SUCO: variants seen among roughly 807,000 people sequenced by gnomAD.
SUCO encodes SUN domain containing ossification factor.
In SUCO, 57 loss-of-function variants were observed where a neutral mutation model predicts 148.1. That is an observed-to-expected ratio of 0.38 (90% confidence interval 0.31 to 0.48). The LOEUF (loss-of-function observed/expected upper bound fraction) is 0.48. Ranked by LOEUF, SUCO falls within the 20% of genes least tolerant of loss-of-function variation. SUCO has a pLI of 0.96. For synonymous variants in SUCO, 470 were observed against 502.7 expected (o/e 0.93, Z 0.87); for missense variants, 1,331 against 1,468.2 (o/e 0.91, Z 1.53).
At chr1:172,532,705 C>T (rs1204536930), upstream of SUCO, 1 of 1,613,816 alleles carries the variant, frequency 6.2e-7, no homozygotes, top group African/African-American at 1.3e-5. Context: ...ACCATGGATT[C>T]TAGGAGGGAC....
intron 17 of SUCO, chr1:172,588,156 C>A (rs1306711781): frequency 1.0e-6 from 1 of 984,972 alleles, no homozygotes; most frequent in African/African-American, 1.7e-5. Flanking sequence ...AGTAGATAAT[C>A]CTATGTGTGT....
intron 17 of SUCO, chr1:172,588,543 GC>G (rs1656394137): frequency 1.0e-6 from 1 of 985,104 alleles, no homozygotes; most frequent in Middle Eastern, 5.2e-4. Flanking sequence ...GAGTCATCTG[GC>G]TAGTCACTTG....
At chr1:172,570,415 ATAT>A in intron 8 of SUCO, 1 of 491,900 alleles carries the variant, frequency 2.0e-6, no homozygotes, top group Non-Finnish European at 3.6e-6. Flanking sequence ...AATAACTAAA[ATAT>A]TATTTTTTTC....
chr1:172,561,010 C>T (rs1279181246), intron 6 of SUCO, among the ~76,000 whole-genome samples: 1 of 152,224 alleles, frequency 6.6e-6, no homozygotes, highest in Non-Finnish European at 1.5e-5. Context: ...GGTGGCACCG[C>T]CACCTTCCCA....
intron 1 of SUCO, among the ~76,000 whole-genome samples, chr1:172,536,447 G>GT (rs2149214992): frequency 6.6e-6 from 1 of 152,286 alleles, no homozygotes; most frequent in Non-Finnish European, 1.5e-5. Context: ...TTGTAACACA[G>GT]TAACAGCGTA....
At chr1:172,580,649 C>T (rs75302771) in intron 15 of SUCO, among the ~76,000 whole-genome samples, 2 of 152,078 alleles carry the variant, frequency 1.3e-5, no homozygotes, top group African/African-American at 4.8e-5. Flanking sequence ...GAAAATAGCC[C>T]CAGACTAAAA....
chr1:172,591,626 T>C (rs1454310866), intron 19 of SUCO, among the ~76,000 whole-genome samples: 3 of 152,086 alleles, frequency 2.0e-5, no homozygotes, highest in Non-Finnish European at 4.4e-5. Flanking sequence ...TTTTTATGGC[T>C]GCATAGTATT....
chr1:172,568,339 A>G (rs943148936), intron 6 of SUCO: 120 of 513,228 alleles, frequency 2.3e-4, no homozygotes, highest in Non-Finnish European at 2.8e-4. Context: ...TGATTTGCTG[A>G]TACTCTTTAT....
chr1:172,571,183 G>A (rs938389605), intron 9 of SUCO, among the ~76,000 whole-genome samples: 4 of 152,214 alleles, frequency 2.6e-5, no homozygotes, highest in African/African-American at 2.4e-5. Flanking sequence ...CTCAGCCTGC[G>A]GAGTGCCTGC....
intron 7 of SUCO, 150 bp downstream of exon 7, chr1:172,569,292 C>A: frequency 9.5e-7 from 1 of 1,053,780 alleles, no homozygotes; most frequent in Non-Finnish European, 1.3e-6. Flanking sequence ...TTGATCCATC[C>A]ATCCATCATG....
intron 13 of SUCO, 119 bp from the exon 14 acceptor site, chr1:172,578,179 G>A: frequency 2.7e-6 from 2 of 730,520 alleles, no homozygotes; most frequent in Non-Finnish European, 4.7e-6. Context: ...TTATTTTTGA[G>A]TCCAAAAGCC....
intron 22 of SUCO, among the ~76,000 whole-genome samples, chr1:172,603,613 A>G (rs1053437089): frequency 5.3e-5 from 8 of 151,788 alleles, no homozygotes; most frequent in Admixed American, 5.3e-4. Flanking sequence ...CTTTTGGTTG[A>G]TATGTCTTTT....
intron 22 of SUCO, chr1:172,603,125 C>T: frequency 5.2e-6 from 1 of 192,522 alleles, no homozygotes; most frequent in Non-Finnish European, 1.1e-5. Flanking sequence ...GCATCCTGTG[C>T]TTTTCTGCCT....
Position 172,610,620 on chromosome 1 carries a change from T to C in SUCO, c.*361T>C, listed in dbSNP as rs1395246737. On this transcript the variant is annotated 3_prime_UTR_variant, in exon 24 of 24. Transcript: ENST00000263688. ...CCTATTTCTTGCACCTTCCCATATT[T>C]ATGTGCCTTTTGTCTATTTATAATG... is the stretch of plus-strand genomic sequence containing the variant. 1 of 166,810 alleles carries C rather than the reference T, an allele frequency of 6.0e-6. No individual in the cohort carries two copies. The highest frequency in any genetic ancestry group is 1.6e-4 in the East Asian group (1 of 6,096). The allele number at this position is 166,810 out of a possible 1,614,324, so 10.3% of individuals were successfully genotyped here. A position where few individuals can be genotyped will look rare whatever the true frequency, so the allele number is the denominator to read the frequency against.
At chr1:172,599,104 A>G (rs1168054676) in intron 19 of SUCO, among the ~76,000 whole-genome samples, 1 of 152,152 alleles carries the variant, frequency 6.6e-6, no homozygotes, top group African/African-American at 2.4e-5. Context: ...CTCCTCCCTA[A>G]CTTTATTAAA....
At chr1:172,597,062 T>TCCGTGGGCATGGGACCCTCCGAG (rs1475323715) in intron 19 of SUCO, among the ~76,000 whole-genome samples, 50 of 152,292 alleles carry the variant, frequency 3.3e-4, no homozygotes, top group Admixed American at 2.5e-3. Flanking sequence ...TGAGCGAGGC[T>TCCGTGGGCATGGGACCCTCCGAG]CCGTGGGCAT....
intron 14 of SUCO, chr1:172,578,600 C>T: frequency 1.1e-6 from 1 of 923,890 alleles, no homozygotes; most frequent in Non-Finnish European, 1.3e-6. Flanking sequence ...TTATCTATCA[C>T]TTATTTGTAA....
At position 172,588,756 on chromosome 1, in the gene SUCO, C is replaced by T. The variant is rs375488115; in HGVS notation, c.1659-4C>T. On this transcript the variant is annotated splice_polypyrimidine_tract_variant and splice_region_variant and intron_variant, in intron 17 of 23. Transcript: ENST00000263688. ...ATTTATAATTATGATATATGTATTTCTAGGTATGTAACCACTGAAGTACAC... is the reference window on the plus strand; with the variant it reads ...ATTTATAATTATGATATATGTATTTTTAGGTATGTAACCACTGAAGTACAC... The T allele has an allele frequency of 6.9e-7, 1 of 1,442,528 alleles. No individual in the cohort carries two copies. Among genetic ancestry groups the T allele is most frequent in the East Asian group, 2.4e-5 (1 of 42,528 alleles). 89.4% of individuals were successfully genotyped at this position (1,442,528 alleles called of 1,614,324 possible).
At position 172,573,934 on chromosome 1, in the gene SUCO, G is replaced by T. The variant is rs767414002; in HGVS notation, c.1093G>T (p.Asp365Tyr). Residue 365 changes from aspartate to tyrosine, a missense_variant, in exon 10 of 24, where the codon GAT becomes TAT. By Grantham distance (160) the Asp-to-Tyr change is radical (BLOSUM62 -3). Transcript: ENST00000263688. ...LCEPIQVKQL[D>Y]IANYELFSST... Reference sequence around the variant, plus strand: ...TGAACCAATTCAAGTAAAACAGCTTGATATTGCAAATTATGAATTATTTTC... The same window carrying T: ...TGAACCAATTCAAGTAAAACAGCTTTATATTGCAAATTATGAATTATTTTC... 2 of 1,601,812 alleles carry T rather than the reference G, an allele frequency of 1.2e-6. No individual in the cohort carries two copies. Among genetic ancestry groups the T allele is most frequent in the East Asian group, 2.2e-5 (1 of 44,626 alleles).
Sources: allele counts gnomAD v4.1 joint callset (sites outside exome capture counted in the v4.1 genomes callset), GRCh38; gene constraint gnomAD v4.1.1; transcripts MANE v1.5; gene names NCBI Gene and HGNC (gene_info 2026-07-23, HGNC 2026-07-21).